PRRC2C: variants seen among roughly 807,000 people sequenced by gnomAD.
PRRC2C encodes protein PRRC2C.
PRRC2C carries 72 observed loss-of-function variants against 317.2 expected under a neutral mutation model. That is an observed-to-expected ratio of 0.23 (90% CI 0.19 to 0.28). PRRC2C has a LOEUF of 0.28. Ranked by LOEUF, PRRC2C falls within the 10% of genes least tolerant of loss-of-function variation. The pLI is 1.00. For missense variants in PRRC2C, 3,074 were observed against 3,459.7 expected (o/e 0.89, Z 2.80); for synonymous variants, 1,296 against 1,205.9 (o/e 1.07, Z -1.55).
chr1:171,567,546 C>T (rs188936019), intron 22 of PRRC2C, among the ~76,000 whole-genome samples: 336 of 152,194 alleles, frequency 2.2e-3, no homozygotes, highest in Non-Finnish European at 3.5e-3. Flanking sequence ...TCCTACTCTG[C>T]CATATTTCAA....
At chr1:171,576,117 T>C (rs568576398) in intron 25 of PRRC2C, among the ~76,000 whole-genome samples, 39 of 152,340 alleles carry the variant, frequency 2.6e-4, no homozygotes, top group African/African-American at 9.4e-4. Context: ...TTTAAAACCC[T>C]TCCTAGCATT....
In PRRC2C at chr1:171,540,170, G is replaced by A. The variant is rs1268537052; in HGVS notation, c.2704G>A (p.Asp902Asn). The A allele has an allele frequency of 3.7e-6, 6 of 1,613,768 alleles. No homozygotes were observed. Among genetic ancestry groups the A allele is most frequent in the Non-Finnish European group, 5.1e-6 (6 of 1,179,862 alleles). Reference protein sequence around the residue: ...NNQSACFEAPDQKTLSAPQEE... With the variant: ...NNQSACFEAPNQKTLSAPQEE... ...TCAGTCTGCTTGTTTTGAAGCACCT[G>A]ATCAAAAGACCTTATCCGCTCCTCA... Residue 902 changes from aspartate (D) to asparagine (N), a missense_variant, in exon 16 of 35, where the codon GAT (aspartate) becomes AAT (asparagine). Asp to Asn is a conservative substitution (Grantham distance 23). Transcript: ENST00000647382.
chr1:171,592,131 G>C lies in PRRC2C; in HGVS notation c.*284G>C. ...TAAATGTATGCACCCATTTTTTTGA[G>C]TGCATATAATTTAGACCTAAAAATC... On this transcript the variant is annotated 3_prime_UTR_variant, in exon 35 of 35. Coordinates refer to ENST00000647382, the MANE Select transcript of PRRC2C (RefSeq NM_001387844.1). The C allele has an allele frequency of 3.4e-6, 1 of 296,586 alleles. No individual in the cohort carries two copies. The allele number at this position is 296,586 out of a possible 1,614,324, so 18.4% of individuals were successfully genotyped here. A position where few individuals can be genotyped will look rare whatever the true frequency, so the allele number is the denominator to read the frequency against.
chr1:171,581,824 T>C (rs1558047807), intron 28 of PRRC2C, among the ~76,000 whole-genome samples: 1 of 152,218 alleles, frequency 6.6e-6, no homozygotes, highest in African/African-American at 2.4e-5. Context: ...AGGTCAGTTT[T>C]AACAAAGCAA....
chr1:171,549,878 T>C (rs949316311), intron 17 of PRRC2C, among the ~76,000 whole-genome samples: 79 of 152,254 alleles, frequency 5.2e-4, no homozygotes, highest in African/African-American at 1.7e-3. Context: ...AGGATTTTTA[T>C]TTTCAACTTT....
chr1:171,488,800 T>C (rs1666587244), intron 1 of PRRC2C, among the ~76,000 whole-genome samples: 1 of 152,224 alleles, frequency 6.6e-6, no homozygotes, highest in African/African-American at 2.4e-5. Flanking sequence ...TCTTAGACTG[T>C]TAACTAAGAG....
At chr1:171,571,278 GAC>G in intron 23 of PRRC2C, 40 bp from the exon 24 acceptor site, 1 of 1,181,516 alleles carries the variant, frequency 8.5e-7, no homozygotes, top group Non-Finnish European at 1.3e-6. Context: ...TTTCGTAGTA[GAC>G]ACATAGTTAG....
Position 171,540,930 on chromosome 1 carries a change from C to A in PRRC2C, c.3464C>A (p.Pro1155Gln). The A allele has an allele frequency of 1.2e-6, 2 of 1,613,824 alleles. No individual in the cohort carries two copies. The highest frequency in any genetic ancestry group is 1.7e-6 in the Non-Finnish European group (2 of 1,179,816). Residue 1155 changes from proline (P) to glutamine (Q), a missense_variant, in exon 16 of 35, where the codon CCA becomes CAA. This residue lies in a region of PRRC2C where 1,320 missense variants were observed against 1,395.7 expected (regional missense o/e 0.95). Transcript: ENST00000647382. Reference sequence around the variant, plus strand: ...GACCTTGTTATAGAGAGGCCTCGACCAGATTCAAGACCAGCAGTTAAAAAA... The same window carrying A: ...GACCTTGTTATAGAGAGGCCTCGACAAGATTCAAGACCAGCAGTTAAAAAA... ...SKDLVIERPR[P>Q]DSRPAVKKES...
In PRRC2C at chr1:171,568,295, G is replaced by A. The variant is rs765231608; in HGVS notation, c.6607G>A (p.Val2203Met). ...ACCCTCTTCTTCTTTGCCTAACACC[G>A]TGGCTACTAATAATACAAAGATGGA... Reference protein sequence around the residue: ...TTPSSSLPNTVATNNTKMEDT... With the variant: ...TTPSSSLPNTMATNNTKMEDT... The change falls in exon 23 of 35, where the codon GTG becomes ATG. Residue 2203 changes from valine to methionine, a missense_variant. Physicochemically the swap from Val to Met is conservative, Grantham distance 21. Coordinates refer to ENST00000647382, the MANE Select transcript of PRRC2C (RefSeq NM_001387844.1). The A allele has an allele frequency of 3.2e-5, 51 of 1,610,020 alleles. No individual in the cohort carries two copies. The highest frequency in any genetic ancestry group is 4.2e-5 in the Non-Finnish European group (49 of 1,177,976).
chr1:171,503,561 G>A (rs1335727287), intron 1 of PRRC2C, among the ~76,000 whole-genome samples: 1 of 151,352 alleles, frequency 6.6e-6, no homozygotes, highest in African/African-American at 2.4e-5. Flanking sequence ...GTTTTTCAAA[G>A]TGATGGTGCT....
Position 171,518,473 on chromosome 1 carries a change from TTTTTTTTCAA to T in PRRC2C, c.750+667_750+676del, listed in dbSNP as rs1276638722. Among the ~76,000 whole-genome samples the T allele has an allele frequency of 2.3e-4, 26 of 114,850 alleles. No individual in the cohort carries two copies. The East Asian group carries it at 6.7e-3, about 30-fold the overall frequency. The allele number at this position is 114,850 out of a possible 152,430, so 75.3% of individuals were successfully genotyped here. A position where few individuals can be genotyped will look rare whatever the true frequency, so the allele number is the denominator to read the frequency against. On this transcript the variant is annotated intron_variant, in intron 6 of 34. Transcript: ENST00000647382. ...TGTGTACTTTTAATATTTTTTTCAA[TTTTTTTTCAA>T]TTTTTTTTCAATTTTTTTTTTTTTT... is the stretch of plus-strand genomic sequence containing the variant.
chr1:171,541,423 G>A lies in PRRC2C; in HGVS notation c.3957G>A (p.Leu1319=). ...ATCATGTTCGAATAGATAATAGACTGCTAGAAAAGCCTTATGTAAGGGATG... is the reference window on the plus strand; with the variant it reads ...ATCATGTTCGAATAGATAATAGACTACTAGAAAAGCCTTATGTAAGGGATG... ...PDNHVRIDNR[L]LEKPYVRDDD... Residue 1319 remains leucine, a synonymous_variant, in exon 16 of 35, where the codon CTG becomes CTA. Coordinates refer to ENST00000647382, the MANE Select transcript of PRRC2C (RefSeq NM_001387844.1). This position sits in a 1 kb window ranked among gnomAD's most constrained non-coding sequence, Gnocchi z 4.1. The A allele has an allele frequency of 6.2e-7, 1 of 1,613,856 alleles. No individual in the cohort carries two copies. The highest frequency in any genetic ancestry group is 1.1e-5 in the South Asian group (1 of 91,070).
At chr1:171,578,141 G>A (rs181202929) in intron 26 of PRRC2C, among the ~76,000 whole-genome samples, 9 of 151,824 alleles carry the variant, frequency 5.9e-5, no homozygotes, top group Non-Finnish European at 1.2e-4. Flanking sequence ...AAATATAAGT[G>A]TACATACTTA....
intron 16 of PRRC2C, among the ~76,000 whole-genome samples, chr1:171,544,999 A>G (rs235467): frequency 0.8 from 122,253 of 152,172 alleles, 49,236 homozygotes; most frequent in Middle Eastern, 0.9. Context: ...TCCATATTAA[A>G]GTTTTTTAAA....
At position 171,537,305 on chromosome 1, in the gene PRRC2C, AAGGGTC is replaced by A; in HGVS notation, c.2338_2343del (p.Gly780_Ser781del). The A allele has an allele frequency of 6.2e-7, 1 of 1,601,062 alleles. No individual in the cohort carries two copies. The highest frequency in any genetic ancestry group is 8.5e-7 in the Non-Finnish European group (1 of 1,173,134). ...CCATTAATGAGAAGAGACCAGATGG[AAGGGTC>A]ACCGAACAGTTCTGAGTCATTTGAG... On this transcript the variant is annotated inframe_deletion, in exon 15 of 35. Coordinates refer to ENST00000647382, the MANE Select transcript of PRRC2C (RefSeq NM_001387844.1).
At chr1:171,580,841 C>T (rs1260173082) in intron 28 of PRRC2C, among the ~76,000 whole-genome samples, 2 of 152,144 alleles carry the variant, frequency 1.3e-5, no homozygotes, top group Non-Finnish European at 2.9e-5. Flanking sequence ...ACATTCAGGA[C>T]ACTTAGTTTA....
chr1:171,566,152 A>T (rs995845312), intron 20 of PRRC2C, 81 bp from the exon 21 acceptor site: 10 of 1,129,922 alleles, frequency 8.9e-6, no homozygotes, highest in Admixed American at 7.7e-5. Flanking sequence ...CTTCTATTGT[A>T]CTTAAACTGT....
At chr1:171,543,687 G>A (rs1194262395) in intron 16 of PRRC2C, among the ~76,000 whole-genome samples, 1 of 152,158 alleles carries the variant, frequency 6.6e-6, no homozygotes, top group East Asian at 1.9e-4. Context: ...TACATACTTA[G>A]CACTTCAGAT....
At chr1:171,503,238 T>A (rs1474504988) in intron 1 of PRRC2C, among the ~76,000 whole-genome samples, 2 of 152,010 alleles carry the variant, frequency 1.3e-5, no homozygotes, top group Non-Finnish European at 2.9e-5. Flanking sequence ...TAAATGTGTT[T>A]GTAGGCCGGG....
Sources: allele counts gnomAD v4.1 joint callset (sites outside exome capture counted in the v4.1 genomes callset), GRCh38; gene constraint gnomAD v4.1.1; regional missense constraint gnomAD v4.1.1; non-coding constraint Gnocchi (gnomAD v3.1); transcripts MANE v1.5; gene names NCBI Gene and HGNC (gene_info 2026-07-23, HGNC 2026-07-21).